AGO3: variants seen among roughly 807,000 people sequenced by gnomAD.
The protein encoded by AGO3 is argonaute RISC catalytic component 3, also known as protein argonaute-3.
A neutral mutation model predicts 105.5 loss-of-function variants in AGO3; 16 were observed. The observed-to-expected ratio is 0.15, with a 90% CI of 0.10 to 0.23. The LOEUF (loss-of-function observed/expected upper bound fraction) is 0.23, where lower values mean the gene tolerates loss of function less well. Among genes scored for constraint, AGO3 ranks in the 10% least tolerant of loss-of-function variants. The pLI is 1.00. For synonymous variants in AGO3, 340 were observed against 367.3 expected, an observed-to-expected ratio of 0.93 and a Z score of 0.85; for missense variants, 534 against 1,088.0, an observed-to-expected ratio of 0.49 and a Z score of 7.16.
intron 13 of AGO3, among the ~76,000 whole-genome samples, chr1:36,035,888 C>G (rs950095624): frequency 3.3e-5 from 5 of 151,984 alleles, no homozygotes; most frequent in African/African-American, 1.2e-4. Context: ...AAAAAATTAG[C>G]CGGGTGTGGT....
chr1:36,055,995 T>A lies in AGO3; in HGVS notation c.*250T>A. 1 of 320,988 alleles carries A rather than the reference T, an allele frequency of 3.1e-6. No individual in the cohort carries two copies. Among genetic ancestry groups the A allele is most frequent in the Non-Finnish European group, 5.7e-6 (1 of 175,240 alleles). The allele number at this position is 320,988 out of a possible 1,614,324, so 19.9% of individuals were successfully genotyped here. A position where few individuals can be genotyped will look rare whatever the true frequency, so the allele number is the denominator to read the frequency against. On this transcript the variant is annotated 3_prime_UTR_variant, in exon 19 of 19. Coordinates refer to ENST00000373191, the MANE Select transcript of AGO3 (RefSeq NM_024852.4). This position sits in a 1 kb window ranked among gnomAD's most constrained non-coding sequence, Gnocchi z 4.4. ...GGTCTCCTATAGGAAGTATCGCAAT[T>A]GTTTTGTTTTCATTTCTTGTAGTCT... is the stretch of plus-strand genomic sequence containing the variant.
intron 11 of AGO3, among the ~76,000 whole-genome samples, chr1:36,014,455 G>A (rs928854280): frequency 6.6e-5 from 10 of 151,574 alleles, no homozygotes; most frequent in Non-Finnish European, 1.3e-4. Flanking sequence ...ACTGTGCCCG[G>A]CCTAGTCACT....
At chr1:35,992,332 AGC>A (rs1482156771) in intron 5 of AGO3, 1 of 152,210 alleles carries the variant, frequency 6.6e-6, no homozygotes. Flanking sequence ...AACAAGAGGC[AGC>A]TGTTCATCAA....
At chr1:36,031,913 G>A (rs1641798934) in intron 12 of AGO3, among the ~76,000 whole-genome samples, 1 of 150,946 alleles carries the variant, frequency 6.6e-6, no homozygotes, top group African/African-American at 2.4e-5. Context: ...GGCGGGGGGT[G>A]TGTGTGTGTG....
At chr1:35,965,790 C>T (rs1315836108) in intron 2 of AGO3, among the ~76,000 whole-genome samples, 1 of 151,096 alleles carries the variant, frequency 6.6e-6, no homozygotes, top group African/African-American at 2.4e-5. Flanking sequence ...GGTTCTTGCC[C>T]CCACTTAACT....
chr1:36,054,265 T>TATTTC (rs1177808273), intron 17 of AGO3, among the ~76,000 whole-genome samples: 1 of 152,162 alleles, frequency 6.6e-6, no homozygotes, highest in Non-Finnish European at 1.5e-5. Flanking sequence ...TATTTTATTT[T>TATTTC]ATTTCATTTC....
Position 36,055,337 on chromosome 1 carries a change from TG to T in AGO3, c.2474+193del. On this transcript the variant is annotated intron_variant, in intron 18 of 18. Transcript: ENST00000373191. The surrounding 1 kb of genome is among the most constrained non-coding windows in gnomAD (Gnocchi z 4.4). ...TAATAGAATCATGTAGTAACTTAGT[TG>T]TTTTACTACATTAATTCAAAGGAGA... 1 of 638,238 alleles carries T rather than the reference TG, an allele frequency of 1.6e-6. No individual in the cohort carries two copies. The highest frequency in any genetic ancestry group is 2.7e-6 in the Non-Finnish European group (1 of 371,598). 39.5% of individuals were successfully genotyped at this position (638,238 alleles called of 1,614,324 possible).
intron 16 of AGO3, among the ~76,000 whole-genome samples, chr1:36,042,336 C>T (rs993762823): frequency 6.6e-6 from 1 of 152,178 alleles, no homozygotes; most frequent in East Asian, 1.9e-4. Context: ...CCGCCCACCT[C>T]GGCCTCCCAA....
At chr1:35,966,053 G>C (rs532104855) in intron 2 of AGO3, among the ~76,000 whole-genome samples, 3 of 152,030 alleles carry the variant, frequency 2.0e-5, no homozygotes, top group African/African-American at 7.2e-5. Flanking sequence ...TCAAACTCCC[G>C]ACCTCAGGTG....
intron 12 of AGO3, among the ~76,000 whole-genome samples, chr1:36,033,853 A>G (rs1441277305): frequency 1.3e-5 from 2 of 152,206 alleles, no homozygotes; most frequent in Non-Finnish European, 2.9e-5. Flanking sequence ...GGAAGAGAGT[A>G]CTATAAAACG....
chr1:35,992,390 G>GCTTTTCT (rs957189627), intron 5 of AGO3: 1 of 152,148 alleles, frequency 6.6e-6, no homozygotes, highest in Non-Finnish European at 1.5e-5. Flanking sequence ...TTCTCAGACT[G>GCTTTTCT]CTTTTCTCTT....
chr1:35,956,089 A>G (rs1198706104), intron 2 of AGO3, among the ~76,000 whole-genome samples: 3 of 152,192 alleles, frequency 2.0e-5, no homozygotes, highest in Non-Finnish European at 4.4e-5. Flanking sequence ...CTCATACTGC[A>G]GCATACCCCT....
At chr1:35,944,835 G>T (rs766774874) in intron 1 of AGO3, among the ~76,000 whole-genome samples, 20 of 151,718 alleles carry the variant, frequency 1.3e-4, no homozygotes, top group Non-Finnish European at 2.6e-4. Flanking sequence ...TTGTTACGGG[G>T]TCTCACTCTG....
chr1:36,036,655 A>C (rs1642022011), intron 14 of AGO3, among the ~76,000 whole-genome samples: 2 of 152,162 alleles, frequency 1.3e-5, no homozygotes, highest in African/African-American at 4.8e-5. Context: ...TCCCACCTTC[A>C]TCCAGGTCAA....
chr1:36,030,845 A>G (rs1004958135), intron 12 of AGO3, among the ~76,000 whole-genome samples: 4 of 152,158 alleles, frequency 2.6e-5, no homozygotes, highest in Non-Finnish European at 5.9e-5. Context: ...TATTAGTTAG[A>G]CTTCCTTTAA....
At chr1:36,036,149 T>G (rs1641997465) in intron 13 of AGO3, 28 bp from the exon 14 acceptor site, 1 of 1,602,180 alleles carries the variant, frequency 6.2e-7, no homozygotes, top group African/African-American at 1.3e-5. Flanking sequence ...AAATGAAATA[T>G]CTAACCCTTT....
intron 5 of AGO3, among the ~76,000 whole-genome samples, chr1:35,990,810 T>C (rs1188747653): frequency 6.6e-6 from 1 of 152,212 alleles, no homozygotes; most frequent in South Asian, 2.1e-4. Context: ...ATTGCTAAGA[T>C]TGAGAAATAA....
rs899482670 is a variant in AGO3 at position 36,068,616 on chromosome 1, G to C, written c.*12871G>C. On this transcript the variant is annotated 3_prime_UTR_variant, in exon 19 of 19. Transcript: ENST00000373191. Reference sequence around the variant, plus strand: ...ATATAGCTTATGGTTTTGATAAATTGGACTCTGATTTAAACTTTAAAATGT... The same window carrying C: ...ATATAGCTTATGGTTTTGATAAATTCGACTCTGATTTAAACTTTAAAATGT... 1 of 151,970 alleles carries C rather than the reference G, an allele frequency of 6.6e-6. No individual in the cohort carries two copies. The highest frequency in any genetic ancestry group is 1.5e-5 in the Non-Finnish European group (1 of 67,980). The allele number at this position is 151,970 out of a possible 1,614,324, so 9.4% of individuals were successfully genotyped here.
chr1:35,979,092 C>T (rs1375362897), intron 5 of AGO3, among the ~76,000 whole-genome samples: 4 of 152,046 alleles, frequency 2.6e-5, no homozygotes, highest in Admixed American at 6.6e-5. Flanking sequence ...TGGCTGGGCG[C>T]GGTGGCTCAT....
Sources: gnomAD v4.1 joint callset for allele counts (sites outside exome capture counted in the v4.1 genomes callset) on GRCh38, gnomAD v4.1.1 for gene constraint, Gnocchi (gnomAD v3.1) non-coding constraint, MANE v1.5 for transcripts, NCBI Gene and HGNC (gene_info 2026-07-23, HGNC 2026-07-21) for gene names.